SMYD1: variants seen among roughly 807,000 people sequenced by gnomAD.
SMYD1 encodes SET and MYND domain containing 1.
SMYD1 carries 49 observed loss-of-function variants against 54.0 expected under a neutral mutation model. The observed-to-expected ratio is 0.91, with a 90% CI of 0.72 to 1.15. The LOEUF (loss-of-function observed/expected upper bound fraction) is 1.15. Ranked by LOEUF, SMYD1 falls within the 50% of genes most tolerant of loss-of-function variation. The pLI is 0.00. For synonymous variants in SMYD1, 269 were observed against 234.2 expected (o/e 1.15, Z -1.36); for missense variants, 653 against 639.6 (o/e 1.02, Z -0.23).
chr2:88,096,347 G>T (rs1674587513), intron 5 of SMYD1, among the ~76,000 whole-genome samples: 1 of 152,222 alleles, frequency 6.6e-6, no homozygotes, highest in Admixed American at 6.5e-5. Context: ...TCTACTAGGA[G>T]TCTATTTGAG....
At chr2:88,087,754 C>A (rs957131652) in intron 2 of SMYD1, 108 bp from the exon 3 acceptor site, 1 of 977,244 alleles carries the variant, frequency 1.0e-6, no homozygotes, top group South Asian at 1.8e-5. Flanking sequence ...AGTTTAAAAA[C>A]GTATCTTGGG....
intron 3 of SMYD1, among the ~76,000 whole-genome samples, chr2:88,089,116 T>G (rs544116292): frequency 6.6e-6 from 1 of 152,314 alleles, no homozygotes; most frequent in South Asian, 2.1e-4. Flanking sequence ...AGGTAGGCCA[T>G]CAGGCTGGAG....
At chr2:88,107,489 G>A (rs998326220) in intron 8 of SMYD1, among the ~76,000 whole-genome samples, 1 of 152,150 alleles carries the variant, frequency 6.6e-6, no homozygotes, top group Admixed American at 6.5e-5. Context: ...TTGGGGAGAC[G>A]TCTGAGGTAC....
intron 2 of SMYD1, among the ~76,000 whole-genome samples, chr2:88,085,961 A>C (rs1674314022): frequency 1.3e-5 from 2 of 152,214 alleles, no homozygotes; most frequent in Non-Finnish European, 2.9e-5. Flanking sequence ...AAAAATGGTT[A>C]AAATGGTTCA....
intron 1 of SMYD1, chr2:88,082,712 A>G (rs912240710): frequency 1.1e-4 from 17 of 154,528 alleles, no homozygotes; most frequent in African/African-American, 3.4e-4. Flanking sequence ...ACCATGTACA[A>G]AGAATTGTTT....
At chr2:88,095,768 G>A (rs1674572712) in intron 5 of SMYD1, among the ~76,000 whole-genome samples, 1 of 152,170 alleles carries the variant, frequency 6.6e-6, no homozygotes, top group East Asian at 1.9e-4. Flanking sequence ...GAGGATGCAT[G>A]GCTGAGAGGT....
At chr2:88,070,910 T>A (rs1295284310) in intron 1 of SMYD1, among the ~76,000 whole-genome samples, 1 of 125,624 alleles carries the variant, frequency 8.0e-6, no homozygotes, top group Admixed American at 1.0e-4. Context: ...GCCACTGCAC[T>A]CTAGCCTGGG....
At chr2:88,093,185 T>C (rs1674500755) in intron 4 of SMYD1, among the ~76,000 whole-genome samples, 1 of 152,222 alleles carries the variant, frequency 6.6e-6, no homozygotes, top group African/African-American at 2.4e-5. Flanking sequence ...AATAACAACA[T>C]TGTGCATGTT....
rs1274501942 is a variant in SMYD1 at position 88,113,004 on chromosome 2, G to GC, written c.*2496dup. The GC allele has an allele frequency of 6.6e-6, 1 of 152,118 alleles. No individual in the cohort carries two copies. Among genetic ancestry groups the GC allele is most frequent in the Non-Finnish European group, 1.5e-5 (1 of 68,046 alleles). 9.4% of individuals were successfully genotyped at this position (152,118 alleles called of 1,614,324 possible). On this transcript the variant is annotated 3_prime_UTR_variant, in exon 10 of 10. Transcript: ENST00000419482. ...TCCCCGATCTTGCATTTGAGCTCCA[G>GC]CCCCACTCATCCTCTCGGATGTTCT...
chr2:88,086,842 T>C (rs1674339256), intron 2 of SMYD1, among the ~76,000 whole-genome samples: 1 of 151,858 alleles, frequency 6.6e-6, no homozygotes, highest in Non-Finnish European at 1.5e-5. Context: ...TCTTTTTTTT[T>C]TTTTATTATA....
chr2:88,097,152 G>A (rs755359748), intron 6 of SMYD1, among the ~76,000 whole-genome samples: 9 of 152,218 alleles, frequency 5.9e-5, no homozygotes, highest in South Asian at 2.1e-4. Context: ...TGAGTTGAGT[G>A]ATGTTGAGAA....
chr2:88,082,785 A>C (rs1280499163), intron 1 of SMYD1, among the ~76,000 whole-genome samples: 2 of 152,184 alleles, frequency 1.3e-5, no homozygotes, highest in Non-Finnish European at 2.9e-5. Context: ...AGTGGTCTTC[A>C]AATTCTTGAA....
At chr2:88,090,004 A>T (rs1369090349) in intron 3 of SMYD1, among the ~76,000 whole-genome samples, 1 of 152,166 alleles carries the variant, frequency 6.6e-6, no homozygotes. Context: ...TCATATAATT[A>T]CCAAAGGTTA....
chr2:88,087,081 A>T (rs1161454921), intron 2 of SMYD1, among the ~76,000 whole-genome samples: 2 of 31,934 alleles, frequency 6.3e-5, no homozygotes, highest in East Asian at 0.053. Context: ...ATAGCTTCCA[A>T]AAAAAAAAAA....
chr2:88,108,032 G>A (rs376153720), intron 8 of SMYD1, among the ~76,000 whole-genome samples: 2 of 152,336 alleles, frequency 1.3e-5, no homozygotes, highest in African/African-American at 2.4e-5. Flanking sequence ...CTTCTGCGTC[G>A]CTGACGCTGG....
chr2:88,108,511 C>G lies in SMYD1; in HGVS notation c.1286C>G (p.Pro429Arg), dbSNP rs769336670. The G allele has an allele frequency of 5.0e-6, 8 of 1,602,732 alleles. No homozygotes were observed. The South Asian group carries it at 9.0e-5, about 18-fold the overall frequency. The part of the protein sequence containing the change: ...AYAILLVTHG[P>R]SHPITKDLEA... ...GCCATTCTCCTGGTGACACACGGAC[C>G]CTCCCACCCCATCACTAAGGACTTA... Residue 429 changes from proline to arginine, a missense_variant, in exon 9 of 10, where the codon CCC becomes CGC. Transcript: ENST00000419482.
chr2:88,101,350 C>T (rs528393295), intron 6 of SMYD1, among the ~76,000 whole-genome samples: 13 of 152,220 alleles, frequency 8.5e-5, no homozygotes, highest in Middle Eastern at 3.4e-3. Context: ...CTTCATATAG[C>T]GGAAAACTTT....
chr2:88,110,473 C>T lies in SMYD1; in HGVS notation c.1434C>T (p.Ser478=), dbSNP rs1674995042. ...CCATGCAGGTCATGGCCGAGCCCAG[C>T]AATGAGCCATCCCCAGCTCTGTTCC... is the stretch of plus-strand genomic sequence containing the variant. ...NQPMQVMAEP[S]NEPSPALFHK... The change falls in exon 10 of 10, where the codon AGC becomes AGT. Residue 478 remains serine (S), a synonymous_variant. Coordinates refer to ENST00000419482, the MANE Select transcript of SMYD1 (RefSeq NM_198274.4). The T allele has an allele frequency of 1.3e-6, 2 of 1,599,164 alleles. No homozygotes were observed. Among genetic ancestry groups the T allele is most frequent in the Non-Finnish European group, 1.7e-6 (2 of 1,172,452 alleles).
At chr2:88,106,180 C>G in intron 7 of SMYD1, 145 bp from the exon 8 acceptor site, 1 of 1,113,258 alleles carries the variant, frequency 9.0e-7, no homozygotes. Context: ...AATTCATACC[C>G]CAAACCTGTG....
Sources: gnomAD v4.1 joint callset for allele counts (sites outside exome capture counted in the v4.1 genomes callset) on GRCh38, gnomAD v4.1.1 for gene constraint, MANE v1.5 for transcripts, NCBI Gene and HGNC (gene_info 2026-07-23, HGNC 2026-07-21) for gene names.